The following TENM2 variants were observed in gnomAD, a reference collection of about 807,000 sequenced individuals.
TENM2 encodes the protein teneurin-2.
Under a neutral mutation model 245.2 loss-of-function variants are expected in TENM2, and 52 were observed. The observed-to-expected ratio is 0.21, with a 90% CI of 0.17 to 0.27. The LOEUF is 0.27. Ranked by LOEUF, TENM2 falls within the 10% of genes least tolerant of loss-of-function variation. TENM2 has a pLI of 1.00. For synonymous variants in TENM2, 1,363 were observed against 1,438.9 expected (o/e 0.95, Z 1.19); for missense variants, 3,046 against 3,666.8 (o/e 0.83, Z 4.37).
At chr5:167,681,346 A>G (rs1756693700) in intron 2 of TENM2, among the ~76,000 whole-genome samples, 1 of 152,160 alleles carries the variant, frequency 6.6e-6, no homozygotes, top group Admixed American at 6.5e-5. Flanking sequence ...CATTTTAGAC[A>G]TATAGCCTAG....
downstream of TENM2, chr5:168,263,948 A>C (rs1193891803): frequency 1.3e-5 from 2 of 152,568 alleles, no homozygotes; most frequent in African/African-American, 4.8e-5. Context: ...AAAAACAAAA[A>C]AAATTTTAAA....
chr5:167,846,128 T>C (rs34552483), intron 2 of TENM2, among the ~76,000 whole-genome samples: 3,353 of 152,314 alleles, frequency 0.022, 137 homozygotes, highest in African/African-American at 0.076. Flanking sequence ...CCTTTCATAG[T>C]AGCTACCAGG....
At chr5:168,023,589 G>A (rs765502196) in intron 5 of TENM2, among the ~76,000 whole-genome samples, 5 of 152,144 alleles carry the variant, frequency 3.3e-5, no homozygotes, top group East Asian at 1.9e-4. Context: ...ATGGGGTGTC[G>A]GAAAAACAAT....
chr5:167,445,954 C>A (rs2127467170), intron 2 of TENM2, among the ~76,000 whole-genome samples: 1 of 152,162 alleles, frequency 6.6e-6, no homozygotes, highest in South Asian at 2.1e-4. Flanking sequence ...TAAATGGTGT[C>A]ATTGTGGATA....
intron 5 of TENM2, among the ~76,000 whole-genome samples, chr5:168,042,160 T>A (rs1432417492): frequency 6.6e-6 from 1 of 152,136 alleles, no homozygotes; most frequent in Non-Finnish European, 1.5e-5. Context: ...AAGGCCCTTG[T>A]GTATCTGATG....
chr5:167,486,433 A>G (rs1252275952), intron 2 of TENM2, among the ~76,000 whole-genome samples: 2 of 148,124 alleles, frequency 1.4e-5, no homozygotes, highest in Admixed American at 6.8e-5. Flanking sequence ...GGTTCACGCC[A>G]TTCTCCTGCC....
intron 2 of TENM2, among the ~76,000 whole-genome samples, chr5:167,572,572 C>T (rs1562065799): frequency 6.6e-6 from 1 of 152,140 alleles, no homozygotes; most frequent in Non-Finnish European, 1.5e-5. Context: ...CAGTCATTTT[C>T]ACCAATAACT....
At chr5:167,601,398 G>A (rs35589491) in intron 2 of TENM2, among the ~76,000 whole-genome samples, 11,084 of 152,308 alleles carry the variant, frequency 0.073, 589 homozygotes, top group Non-Finnish European at 0.11. Context: ...TGGCAAGAGG[G>A]ATTACCATAT....
At chr5:167,322,926 T>C (rs1756856657) in intron 1 of TENM2, among the ~76,000 whole-genome samples, 1 of 152,244 alleles carries the variant, frequency 6.6e-6, no homozygotes, top group African/African-American at 2.4e-5. Context: ...TAGCGGGGTA[T>C]TTCCTTTAGC....
At chr5:167,837,854 C>T (rs1461745081) in intron 2 of TENM2, among the ~76,000 whole-genome samples, 1 of 151,812 alleles carries the variant, frequency 6.6e-6, no homozygotes, top group African/African-American at 2.4e-5. Context: ...GCAGTAGGTG[C>T]ATCTTAGTGC....
chr5:167,364,998 C>A (rs1308969392), intron 1 of TENM2, among the ~76,000 whole-genome samples: 1 of 151,948 alleles, frequency 6.6e-6, no homozygotes, highest in Admixed American at 6.5e-5. Context: ...CGAGAATTCT[C>A]GTATCACATT....
intron 4 of TENM2, among the ~76,000 whole-genome samples, chr5:167,978,613 C>CT (rs1339766085): frequency 6.6e-6 from 1 of 150,638 alleles, no homozygotes; most frequent in Non-Finnish European, 1.5e-5. Flanking sequence ...TTGCCAGGAG[C>CT]TGGGAGTGAG....
At chr5:168,099,320 G>A (rs1793623262) in intron 9 of TENM2, among the ~76,000 whole-genome samples, 1 of 152,174 alleles carries the variant, frequency 6.6e-6, no homozygotes, top group African/African-American at 2.4e-5. Flanking sequence ...ACTTGCTGCA[G>A]AGTCAGGCAA....
intron 1 of TENM2, chr5:167,303,442 C>T (rs1340150733): frequency 1.3e-5 from 2 of 152,126 alleles, no homozygotes; most frequent in African/African-American, 4.8e-5. Context: ...CAAAGGGGGG[C>T]TGTTCTCTGG....
chr5:167,171,375 T>C, the TENM2 span, among the ~76,000 whole-genome samples: 1 of 152,202 alleles, frequency 6.6e-6, no homozygotes, highest in Non-Finnish European at 1.5e-5. Context: ...CTCCATAACA[T>C]AACCACTCAC....
chr5:167,467,494 G>C (rs1380675265), intron 2 of TENM2, among the ~76,000 whole-genome samples: 1 of 137,030 alleles, frequency 7.3e-6, no homozygotes, highest in Non-Finnish European at 1.6e-5. Flanking sequence ...AGGTAAGATA[G>C]GTCATTATTA....
the TENM2 span, among the ~76,000 whole-genome samples, chr5:167,121,119 G>T: frequency 1.2e-4 from 18 of 152,186 alleles, no homozygotes; most frequent in Admixed American, 3.3e-4. Flanking sequence ...TGTCCAGGTT[G>T]CTTTGTGTGT....
intron 1 of TENM2, among the ~76,000 whole-genome samples, chr5:167,356,012 G>A (rs973782366): frequency 1.3e-5 from 2 of 150,658 alleles, no homozygotes; most frequent in Non-Finnish European, 3.0e-5. Context: ...GTGAAACCCC[G>A]TCCCTACTAA....
chr5:168,106,410 C>T (rs1368253763), intron 9 of TENM2, among the ~76,000 whole-genome samples: 1 of 152,148 alleles, frequency 6.6e-6, no homozygotes, highest in East Asian at 1.9e-4. Context: ...CGCCAACCAC[C>T]GTGCTGAACA....
Sources: allele counts gnomAD v4.1 joint callset (sites outside exome capture counted in the v4.1 genomes callset), GRCh38; gene constraint gnomAD v4.1.1; transcripts MANE v1.5; gene names NCBI Gene and HGNC (gene_info 2026-07-23, HGNC 2026-07-21).